KLF8: variants seen among roughly 807,000 people sequenced by gnomAD.
KLF8 encodes Krueppel-like factor 8.
KLF8 carries 10 observed loss-of-function variants against 18.2 expected under a neutral mutation model. The observed-to-expected ratio is 0.55, with a 90% CI of 0.34 to 0.93. The LOEUF is 0.93. Among genes scored for constraint, KLF8 ranks in the 40% least tolerant of loss-of-function variants. The pLI is 0.02. For missense variants in KLF8, 264 were observed against 277.9 expected (o/e 0.95, Z 0.36); for synonymous variants, 109 against 97.3 (o/e 1.12, Z -0.71).
the KLF8 span, among the ~76,000 whole-genome samples, chrX:56,189,257 A>G: frequency 3.6e-5 from 4 of 112,209 alleles, no homozygotes; most frequent in Admixed American, 9.4e-5. Context: ...GCAGCCAAAA[A>G]ACACATGAAA....
the KLF8 span, among the ~76,000 whole-genome samples, chrX:55,917,003 C>G: frequency 8.9e-6 from 1 of 112,062 alleles, no homozygotes; most frequent in Non-Finnish European, 1.9e-5. Context: ...TCCAAAATGC[C>G]AAAGTAAGCT....
At chrX:56,012,234 A>G in the KLF8 span, among the ~76,000 whole-genome samples, 1 of 111,899 alleles carries the variant, frequency 8.9e-6, no homozygotes, top group Non-Finnish European at 1.9e-5. Context: ...TGGCAAACCA[A>G]TTCCAGCAGC....
chrX:56,064,654 C>T, the KLF8 span, among the ~76,000 whole-genome samples: 1 of 110,960 alleles, frequency 9.0e-6, no homozygotes, highest in Non-Finnish European at 1.9e-5. Context: ...CATTTCAGTG[C>T]TTTCTTTTTA....
At chrX:56,176,901 C>A in the KLF8 span, among the ~76,000 whole-genome samples, 1 of 112,027 alleles carries the variant, frequency 8.9e-6, no homozygotes, top group Non-Finnish European at 1.9e-5. Context: ...GAATCAGCTA[C>A]CGAGGCTTGT....
At chrX:56,073,222 C>G in the KLF8 span, among the ~76,000 whole-genome samples, 3 of 111,564 alleles carry the variant, frequency 2.7e-5, no homozygotes, top group Non-Finnish European at 5.7e-5. Context: ...CTCCTGACCT[C>G]GTGATCCGAC....
At chrX:55,935,700 T>C in the KLF8 span, among the ~76,000 whole-genome samples, 2 of 112,345 alleles carry the variant, frequency 1.8e-5, no homozygotes, top group Non-Finnish European at 3.8e-5. Flanking sequence ...ATGCATATAA[T>C]GTGATAACTT....
chrX:56,083,707 A>G, the KLF8 span, among the ~76,000 whole-genome samples: 3 of 111,820 alleles, frequency 2.7e-5, no homozygotes, highest in African/African-American at 9.8e-5. Context: ...TGAGTGGCAG[A>G]TAAGTGAGTA....
chrX:56,089,412 T>A, the KLF8 span, among the ~76,000 whole-genome samples: 24,901 of 111,555 alleles, frequency 0.22, 5,753 homozygotes, highest in African/African-American at 0.71. Flanking sequence ...AAATATTAAA[T>A]AATTCAAGTC....
intron 5 of KLF8, among the ~76,000 whole-genome samples, chrX:56,276,717 C>T (rs933465711): frequency 9.0e-6 from 1 of 111,194 alleles, no homozygotes; most frequent in Non-Finnish European, 1.9e-5. Flanking sequence ...TTATTAAATG[C>T]TTTGAGGTGG....
chrX:56,150,313 G>A, the KLF8 span, among the ~76,000 whole-genome samples: 1 of 111,414 alleles, frequency 9.0e-6, no homozygotes, highest in Non-Finnish European at 1.9e-5. Context: ...AAAAGTAGAT[G>A]TTTTTCTCCC....
chrX:56,075,763 G>A, the KLF8 span, among the ~76,000 whole-genome samples: 2 of 111,637 alleles, frequency 1.8e-5, no homozygotes, highest in African/African-American at 6.5e-5. Context: ...GTGAGAACAT[G>A]TGATGTTTTT....
chrX:56,162,360 C>A, the KLF8 span, among the ~76,000 whole-genome samples: 3 of 112,088 alleles, frequency 2.7e-5, no homozygotes, highest in Non-Finnish European at 5.6e-5. Context: ...TATGCCCTGC[C>A]CCGGTGCTGT....
the KLF8 span, among the ~76,000 whole-genome samples, chrX:56,195,013 C>A: frequency 2.7e-5 from 3 of 112,282 alleles, no homozygotes; most frequent in East Asian, 5.6e-4. Context: ...GGAAAACTAA[C>A]AAACAGAAAG....
At chrX:55,928,049 A>G in the KLF8 span, among the ~76,000 whole-genome samples, 4 of 112,455 alleles carry the variant, frequency 3.6e-5, no homozygotes, top group East Asian at 1.1e-3. Flanking sequence ...AATACAGAAT[A>G]CAGACTGTAT....
chrX:55,987,419 C>A, the KLF8 span, among the ~76,000 whole-genome samples: 1 of 110,177 alleles, frequency 9.1e-6, no homozygotes, highest in Non-Finnish European at 1.9e-5. Flanking sequence ...TCTCATTGTT[C>A]AACTCCCACC....
In KLF8 at chrX:56,265,453, A is replaced by G; in HGVS notation, c.355A>G (p.Thr119Ala). The change falls in exon 3 of 6, where the codon ACC becomes GCC. Residue 119 changes from threonine to alanine, a missense_variant. This residue lies in a region of KLF8 where 221 missense variants were observed against 193.6 expected (regional missense o/e 1.14). Coordinates refer to ENST00000468660, the MANE Select transcript of KLF8 (RefSeq NM_007250.5). ...CCCCAAGCCACAGTCTTCTCCCCAG[A>G]CCCTTGTGGTGTCCACGTCAACATC... Reference protein sequence around the residue: ...RPPKPQSSPQTLVVSTSTSDM... With the variant: ...RPPKPQSSPQALVVSTSTSDM... 1 of 1,211,413 alleles carries G rather than the reference A, an allele frequency of 8.3e-7. No homozygotes were observed. Among genetic ancestry groups the G allele is most frequent in the Non-Finnish European group, 1.1e-6 (1 of 895,403 alleles).
chrX:56,197,454 A>C, the KLF8 span, among the ~76,000 whole-genome samples: 1 of 112,029 alleles, frequency 8.9e-6, no homozygotes, highest in African/African-American at 3.2e-5. Flanking sequence ...AGAATACTAC[A>C]AACACCTCCA....
the KLF8 span, among the ~76,000 whole-genome samples, chrX:56,080,308 A>C: frequency 9.0e-6 from 1 of 110,700 alleles, no homozygotes; most frequent in Non-Finnish European, 1.9e-5. Flanking sequence ...TTCCATGTTT[A>C]GTGCTTCCTT....
the KLF8 span, among the ~76,000 whole-genome samples, chrX:55,974,453 A>T: frequency 8.9e-6 from 1 of 112,102 alleles, no homozygotes; most frequent in Non-Finnish European, 1.9e-5. Context: ...ATAATAAACA[A>T]TAATAAGGAA....
Sources: allele counts gnomAD v4.1 joint callset (sites outside exome capture counted in the v4.1 genomes callset), GRCh38; gene constraint gnomAD v4.1.1; regional missense constraint gnomAD v4.1.1; transcripts MANE v1.5; gene names NCBI Gene and HGNC (gene_info 2026-07-23, HGNC 2026-07-21).